The following FNBP1L variants were observed in gnomAD, a reference collection of about 807,000 sequenced individuals.
The protein encoded by FNBP1L is formin-binding protein 1-like.
In FNBP1L, 36 loss-of-function variants were observed where a neutral mutation model predicts 91.2. That is an observed-to-expected ratio of 0.39 (90% CI 0.30 to 0.52). FNBP1L has a LOEUF of 0.52. Ranked by LOEUF, FNBP1L falls within the 20% of genes least tolerant of loss-of-function variation. The pLI, the probability that FNBP1L is intolerant of heterozygous loss-of-function variation, is 0.66. For synonymous variants in FNBP1L, 242 were observed against 237.0 expected (o/e 1.02, Z -0.19); for missense variants, 571 against 732.1 (o/e 0.78, Z 2.54).
intron 11 of FNBP1L, among the ~76,000 whole-genome samples, chr1:93,541,447 CAG>C (rs1352208595): frequency 2.6e-5 from 4 of 152,036 alleles, no homozygotes; most frequent in African/African-American, 9.7e-5. Flanking sequence ...GTTTTATCCC[CAG>C]AGTCATTAGA....
intron 1 of FNBP1L, among the ~76,000 whole-genome samples, chr1:93,480,742 T>G (rs1176134751): frequency 1.3e-5 from 2 of 152,134 alleles, no homozygotes; most frequent in Admixed American, 6.5e-5. Flanking sequence ...TTTTGTATTT[T>G]TAGTAGAGAC....
chr1:93,451,950 T>C (rs890929210), intron 1 of FNBP1L, among the ~76,000 whole-genome samples: 2 of 152,312 alleles, frequency 1.3e-5, no homozygotes, highest in East Asian at 3.9e-4. Context: ...GTGCCCGGTC[T>C]TCATCATATT....
intron 1 of FNBP1L, among the ~76,000 whole-genome samples, chr1:93,492,657 G>A (rs923867448): frequency 3.3e-5 from 5 of 152,118 alleles, no homozygotes; most frequent in Admixed American, 1.3e-4. Context: ...AGACCAGACG[G>A]AGCAACAAAG....
intron 16 of FNBP1L, chr1:93,551,785 A>C: frequency 1.0e-6 from 1 of 985,438 alleles, no homozygotes; most frequent in Non-Finnish European, 1.2e-6. Flanking sequence ...TGAGACCTCA[A>C]AATATTTTGA....
chr1:93,515,648 A>G, intron 2 of FNBP1L, among the ~76,000 whole-genome samples: 1 of 151,628 alleles, frequency 6.6e-6, no homozygotes, highest in African/African-American at 2.4e-5. Flanking sequence ...CATCATTCTC[A>G]GTAAACTATC....
intron 1 of FNBP1L, among the ~76,000 whole-genome samples, chr1:93,479,753 G>C (rs531610813): frequency 6.6e-6 from 1 of 152,302 alleles, no homozygotes; most frequent in South Asian, 2.1e-4. Flanking sequence ...CCCGCAGGCA[G>C]TCAGACCTTA....
At chr1:93,538,752 T>A (rs1411027225) in intron 10 of FNBP1L, among the ~76,000 whole-genome samples, 1 of 152,148 alleles carries the variant, frequency 6.6e-6, no homozygotes, top group Non-Finnish European at 1.5e-5. Flanking sequence ...TAGAGGTTTC[T>A]TAAAACTGAT....
intron 1 of FNBP1L, among the ~76,000 whole-genome samples, chr1:93,481,518 A>G (rs1289506355): frequency 3.9e-5 from 6 of 152,324 alleles, no homozygotes; most frequent in Non-Finnish European, 4.4e-5. Context: ...ATAATAATCA[A>G]ACATCTTAAC....
intron 2 of FNBP1L, among the ~76,000 whole-genome samples, chr1:93,521,045 AAACCAACCAACCAACC>A (rs56108498): frequency 2.0e-5 from 3 of 150,816 alleles, no homozygotes; most frequent in African/African-American, 7.4e-5. Context: ...CCATCTCAAT[AAACCAACCAACCAACC>A]AACCAACCAA....
chr1:93,517,980 A>G (rs1476995532), intron 2 of FNBP1L, among the ~76,000 whole-genome samples: 4 of 152,238 alleles, frequency 2.6e-5, no homozygotes, highest in Admixed American at 1.3e-4. Flanking sequence ...AAGATTATAT[A>G]TAAAGAGTTT....
Position 93,523,459 on chromosome 1 carries a change from TATGCTC to T in FNBP1L, c.314_319del (p.Ala105_His106del). 1 of 1,609,574 alleles carries T rather than the reference TATGCTC, an allele frequency of 6.2e-7. No homozygotes were observed. The highest frequency in any genetic ancestry group is 8.5e-7 in the Non-Finnish European group (1 of 1,177,772). On this transcript the variant is annotated inframe_deletion, in exon 4 of 17. Coordinates refer to ENST00000271234, the MANE Select transcript of FNBP1L (RefSeq NM_001164473.3). ...CAGAGTGTATGGTGAATTAATGAGA[TATGCTC>T]ATGATCTGAAAACTGAAAGAAAAAT...
chr1:93,458,250 C>G (rs1668741168), intron 1 of FNBP1L, among the ~76,000 whole-genome samples: 2 of 152,106 alleles, frequency 1.3e-5, no homozygotes, highest in South Asian at 4.1e-4. Flanking sequence ...AGATCAAAGA[C>G]AGGTTTTTGA....
At chr1:93,525,308 C>T (rs2101752876) in intron 5 of FNBP1L, among the ~76,000 whole-genome samples, 1 of 152,100 alleles carries the variant, frequency 6.6e-6, no homozygotes, top group South Asian at 2.1e-4. Flanking sequence ...TGCTTTCAGC[C>T]TGTTTTCTTT....
chr1:93,473,468 C>CT (rs1669377042), intron 1 of FNBP1L, among the ~76,000 whole-genome samples: 1 of 152,088 alleles, frequency 6.6e-6, no homozygotes, highest in Non-Finnish European at 1.5e-5. Context: ...GACTCCAAAA[C>CT]TTTTTTTATA....
At chr1:93,460,276 G>C (rs1289850020) in intron 1 of FNBP1L, among the ~76,000 whole-genome samples, 1 of 152,094 alleles carries the variant, frequency 6.6e-6, no homozygotes. Context: ...TTGCCCTTTT[G>C]GTGTGTGACG....
chr1:93,540,478 GTTT>G, intron 10 of FNBP1L, among the ~76,000 whole-genome samples: 1 of 152,072 alleles, frequency 6.6e-6, no homozygotes, highest in Admixed American at 6.6e-5. Context: ...AAAATAATGT[GTTT>G]TAAATGTACA....
chr1:93,522,922 G>A (rs1671377837), intron 3 of FNBP1L, among the ~76,000 whole-genome samples: 1 of 152,090 alleles, frequency 6.6e-6, no homozygotes, highest in South Asian at 2.1e-4. Context: ...TGTGTCCAGA[G>A]CTGATAGCAA....
intron 1 of FNBP1L, among the ~76,000 whole-genome samples, chr1:93,493,366 G>C (rs1238885800): frequency 6.6e-6 from 1 of 152,156 alleles, no homozygotes; most frequent in Non-Finnish European, 1.5e-5. Context: ...TTTTTTTACT[G>C]TGTAAAATAC....
intron 7 of FNBP1L, among the ~76,000 whole-genome samples, chr1:93,532,191 G>A (rs952966522): frequency 3.3e-5 from 5 of 151,030 alleles, no homozygotes; most frequent in South Asian, 2.1e-4. Flanking sequence ...AGACTTGGCC[G>A]GGGGCAGTGG....
Sources: allele counts gnomAD v4.1 joint callset (sites outside exome capture counted in the v4.1 genomes callset), GRCh38; gene constraint gnomAD v4.1.1; transcripts MANE v1.5; gene names NCBI Gene and HGNC (gene_info 2026-07-23, HGNC 2026-07-21).